F8: variants seen among roughly 807,000 people sequenced by gnomAD.
The protein encoded by F8 is antihemophilic factor.
Under a neutral mutation model 140.6 loss-of-function variants are expected in F8, and 12 were observed. The observed-to-expected ratio is 0.09, with a 90% CI of 0.05 to 0.14. F8 has a LOEUF of 0.14. Ranked by LOEUF, F8 falls within the 10% of genes least tolerant of loss-of-function variation. The probability of loss-of-function intolerance (pLI) is 1.00; values close to 1 mark genes in which losing one functional copy is unlikely to be tolerated. For missense variants in F8, 1,354 were observed against 1,720.7 expected, an observed-to-expected ratio of 0.79 and a Z score of 3.77; for synonymous variants, 585 against 614.6, an observed-to-expected ratio of 0.95 and a Z score of 0.71.
chrX:155,008,953 C>T (rs2073691597), intron 1 of F8, among the ~76,000 whole-genome samples: 3 of 111,768 alleles, frequency 2.7e-5, no homozygotes, highest in African/African-American at 9.8e-5. Context: ...GCCTACCCGG[C>T]AGCGCGCTTC....
intron 4 of F8, among the ~76,000 whole-genome samples, chrX:154,990,191 T>C (rs1603436324): frequency 8.9e-6 from 1 of 112,199 alleles, no homozygotes; most frequent in East Asian, 2.8e-4. Context: ...TAAGTATTGA[T>C]ATGTTTAGAT....
In F8 at chrX:154,914,538, G is replaced by A. The variant is rs1403429007; in HGVS notation, c.5220-7965C>T. Among the ~76,000 whole-genome samples, 5 of 111,899 alleles carry A rather than the reference G, an allele frequency of 4.5e-5. No homozygotes were observed. The Admixed American group carries it at 4.7e-4, about 11-fold the overall frequency. On this transcript the variant is annotated intron_variant, in intron 14 of 25. Transcript: ENST00000360256. ...AGATACCCCAAATCATCTCTCTCAA[G>A]TTCAAAGTTCCACAGATCTCTAGGG...
intron 25 of F8, among the ~76,000 whole-genome samples, chrX:154,839,563 T>C (rs782606155): frequency 2.2e-4 from 24 of 109,964 alleles, no homozygotes; most frequent in East Asian, 5.9e-4. Flanking sequence ...GGGGTTTCAC[T>C]GTGTTAGCCA....
chrX:154,840,562 A>G (rs1557271280), intron 25 of F8, among the ~76,000 whole-genome samples: 1 of 112,082 alleles, frequency 8.9e-6, no homozygotes, highest in African/African-American at 3.2e-5. Flanking sequence ...ACTGCAGTGT[A>G]ATTACTTCTA....
intron 13 of F8, among the ~76,000 whole-genome samples, chrX:154,937,983 A>G (rs2073233462): frequency 8.9e-6 from 1 of 111,735 alleles, no homozygotes; most frequent in African/African-American, 3.2e-5. Flanking sequence ...ACTAACAAAT[A>G]TTAAAACTTA....
At position 154,904,915 on chromosome X, in the gene F8, G is replaced by T; in HGVS notation, c.5482C>A (p.Pro1828Thr). The change falls in exon 16 of 26, where the codon CCT becomes ACT. Residue 1828 changes from proline (P) to threonine (T), a missense_variant. Physicochemically the swap from Pro to Thr is conservative, Grantham distance 38 (BLOSUM62 -1). Around this residue, in one of 4 missense-constraint regions of F8, gnomAD observed 316 missense variants for 485.4 expected, o/e 0.65. Coordinates refer to ENST00000360256, the MANE Select transcript of F8 (RefSeq NM_000132.4). Reference sequence around the variant, plus strand: ...CAAAAGTAAGTTTTGGTTTCATTAGGCTTGACAAAGTTTTTTCTAGGTTCT... The same window carrying T: ...CAAAAGTAAGTTTTGGTTTCATTAGTCTTGACAAAGTTTTTTCTAGGTTCT... ...GAEPRKNFVK[P>T]NETKTYFWKV... 8.3e-7 allele frequency: 1 copy of T among 1,209,318 alleles called. No individual in the cohort carries two copies. The highest frequency in any genetic ancestry group is 1.1e-6 in the Non-Finnish European group (1 of 893,826).
intron 20 of F8, among the ~76,000 whole-genome samples, chrX:154,900,840 G>A (rs1290641090): frequency 1.5e-4 from 17 of 112,213 alleles, no homozygotes; most frequent in African/African-American, 5.2e-4. Flanking sequence ...ATTAATGGAC[G>A]TGGCTGTGTT....
intron 16 of F8, 90 bp from the exon 17 acceptor site, chrX:154,904,614 C>A (rs902765471): frequency 3.5e-5 from 30 of 862,385 alleles, no homozygotes; most frequent in Non-Finnish European, 4.6e-5. Context: ...GCCAGTCCAA[C>A]CTGCCTCCCA....
At chrX:154,845,882 G>C (rs1557271717) in intron 25 of F8, among the ~76,000 whole-genome samples, 1 of 112,016 alleles carries the variant, frequency 8.9e-6, no homozygotes, top group South Asian at 3.7e-4. Context: ...AAATTGTGAT[G>C]TTAGGGTGTC....
intron 1 of F8, among the ~76,000 whole-genome samples, chrX:155,004,507 T>C (rs2073666349): frequency 8.9e-6 from 1 of 111,768 alleles, no homozygotes; most frequent in Admixed American, 9.5e-5. Context: ...TCTTACAAAA[T>C]GGATGTATGA....
chrX:154,904,114 T>C lies in F8; in HGVS notation c.5816-26A>G, dbSNP rs782094145. 2.5e-6 allele frequency: 3 copies of C among 1,201,088 alleles called. No individual in the cohort carries two copies. In the South Asian group the frequency reaches 5.3e-5, roughly 21 times the overall value. ...CTGGAGAAGGACACAGAGAAGCCTG[T>C]TAAAATCTATTATATAAGTTTCTTT... On this transcript the variant is annotated intron_variant, in intron 17 of 25. Coordinates refer to ENST00000360256, the MANE Select transcript of F8 (RefSeq NM_000132.4).
chrX:154,955,555 G>A (rs782142917), intron 11 of F8, among the ~76,000 whole-genome samples: 97 of 109,019 alleles, frequency 8.9e-4, no homozygotes, highest in Non-Finnish European at 1.6e-3. Flanking sequence ...CCTAAGTGTC[G>A]GCCGGTCTGG....
chrX:154,968,320 T>C (rs2073436008), intron 7 of F8, among the ~76,000 whole-genome samples: 1 of 111,345 alleles, frequency 9.0e-6, no homozygotes, highest in Non-Finnish European at 1.9e-5. Context: ...TGTCATATAA[T>C]GCCTTCCACC....
At chrX:154,873,660 C>A (rs901752524) in intron 22 of F8, among the ~76,000 whole-genome samples, 1 of 111,993 alleles carries the variant, frequency 8.9e-6, no homozygotes, top group African/African-American at 3.2e-5. Context: ...ACCAAGGGAA[C>A]AGAATAGAAA....
rs1557278530 is a variant in F8 at position 154,929,823 on chromosome X, G to T, written c.3967C>A (p.Gln1323Lys). 2 of 1,211,736 alleles carry T rather than the reference G, an allele frequency of 1.7e-6. No individual in the cohort carries two copies. The highest frequency in any genetic ancestry group is 2.2e-5 in the Admixed American group (1 of 46,054). The change falls in exon 14 of 26, where the codon CAG becomes AAG. Residue 1323 changes from glutamine to lysine, a missense_variant. Coordinates refer to ENST00000360256, the MANE Select transcript of F8 (RefSeq NM_000132.4). ...TTRISPNTSQ[Q>K]NFVTQRSKRA... ...TTACTACGTTGCGTGACAAAATTCT[G>T]CTGGCTTGTATTAGGAGATATCCTT...
At position 154,993,005 on chromosome X, in the gene F8, G is replaced by C; in HGVS notation, c.532C>G (p.Leu178Val). The change falls in exon 4 of 26, where the codon CTT becomes GTT. Residue 178 changes from leucine (L) to valine (V), a missense_variant. This residue lies in a region of F8 where 128 missense variants were observed against 230.4 expected (regional missense o/e 0.56). Transcript: ENST00000360256. ...SDPLCLTYSY[L>V]SHVDLVKDLN... Reference sequence around the variant, plus strand: ...TCTTTTACCAGGTCCACATGAGAAAGATATGAGTAGGTAAGGCACAGTGGG... The same window carrying C: ...TCTTTTACCAGGTCCACATGAGAAACATATGAGTAGGTAAGGCACAGTGGG... The C allele has an allele frequency of 8.3e-7, 1 of 1,211,906 alleles. No individual in the cohort carries two copies. The highest frequency in any genetic ancestry group is 1.1e-6 in the Non-Finnish European group (1 of 895,499).
intron 6 of F8, among the ~76,000 whole-genome samples, chrX:154,977,700 T>C (rs1286028918): frequency 1.8e-5 from 2 of 110,508 alleles, no homozygotes; most frequent in Non-Finnish European, 3.8e-5. Context: ...TTTTTTTCTT[T>C]GACTTTTGAT....
At chrX:155,017,042 G>A (rs1387772166) in intron 1 of F8, among the ~76,000 whole-genome samples, 4 of 111,888 alleles carry the variant, frequency 3.6e-5, no homozygotes, top group Admixed American at 9.5e-5. Context: ...TACCCAGGTC[G>A]GCCCAATGTA....
intron 6 of F8, among the ~76,000 whole-genome samples, chrX:154,975,388 CTCCTGTTGTTGA>C (rs2073479691): frequency 9.0e-6 from 1 of 111,419 alleles, no homozygotes; most frequent in South Asian, 3.7e-4. Context: ...ACAGTTGTTC[CTCCTGTTGTTGA>C]TTTATAGTTT....
Sources: allele counts gnomAD v4.1 joint callset (sites outside exome capture counted in the v4.1 genomes callset), GRCh38; gene constraint gnomAD v4.1.1; regional missense constraint gnomAD v4.1.1; transcripts MANE v1.5; gene names NCBI Gene and HGNC (gene_info 2026-07-23, HGNC 2026-07-21).